RORA: variants seen among roughly 807,000 people sequenced by gnomAD.
The protein encoded by RORA is nuclear receptor ROR-alpha.
RORA carries 7 observed loss-of-function variants against 69.5 expected under a neutral mutation model. The observed-to-expected ratio is 0.10, with a 90% CI of 0.06 to 0.19. The LOEUF (loss-of-function observed/expected upper bound fraction) is 0.19. Ranked by LOEUF, RORA falls within the 10% of genes least tolerant of loss-of-function variation. The pLI, the probability that RORA is intolerant of heterozygous loss-of-function variation, is 1.00. For synonymous variants in RORA, 261 were observed against 240.8 expected (o/e 1.08, Z -0.78); for missense variants, 457 against 663.0 (o/e 0.69, Z 3.41).
chr15:60,982,475 C>G (rs1224849827), intron 1 of RORA, among the ~76,000 whole-genome samples: 1 of 152,174 alleles, frequency 6.6e-6, no homozygotes. Flanking sequence ...AATGTTTAGA[C>G]CGTGCTCCCT....
intron 1 of RORA, among the ~76,000 whole-genome samples, chr15:60,851,522 A>G (rs2073324427): frequency 6.6e-6 from 1 of 151,964 alleles, no homozygotes; most frequent in Admixed American, 6.6e-5. Flanking sequence ...AAATCATACC[A>G]CTCAAAGTAG....
chr15:60,609,824 C>G (rs568014587), intron 2 of RORA, among the ~76,000 whole-genome samples: 2 of 152,282 alleles, frequency 1.3e-5, no homozygotes, highest in Admixed American at 1.3e-4. Flanking sequence ...ATGGCCTCTT[C>G]TTCAGAAGGC....
intron 2 of RORA, among the ~76,000 whole-genome samples, chr15:60,590,170 CCTCTATCTCTCTCT>C (rs1011676675): frequency 4.9e-5 from 5 of 101,504 alleles, no homozygotes; most frequent in African/African-American, 2.7e-4. Flanking sequence ...TCTCCCTCTT[CCTCTATCTCTCTCT>C]CTCTCTCTCT....
chr15:60,523,061 A>AC (rs1567058770), intron 3 of RORA, among the ~76,000 whole-genome samples: 1 of 151,596 alleles, frequency 6.6e-6, no homozygotes, highest in Admixed American at 6.6e-5. Context: ...AAAAAAAAAA[A>AC]CTGATGAAAA....
Position 60,496,175 on chromosome 15 carries a change from C to G in RORA, c.*1280G>C, listed in dbSNP as rs938450483. The G allele has an allele frequency of 1.3e-5, 2 of 152,158 alleles. No individual in the cohort carries two copies. Among genetic ancestry groups the G allele is most frequent in the Non-Finnish European group, 2.9e-5 (2 of 68,026 alleles). The allele number at this position is 152,158 out of a possible 1,614,324, so 9.4% of individuals were successfully genotyped here. ...ACAACAAATCTAGAATTAGTTCACT[C>G]TGAGATAAACTCATAGGGTTCCTAG... On this transcript the variant is annotated 3_prime_UTR_variant, in exon 11 of 11. Transcript: ENST00000335670. The surrounding 1 kb of genome is among the most constrained non-coding windows in gnomAD (Gnocchi z 4.5).
intron 1 of RORA, among the ~76,000 whole-genome samples, chr15:60,736,312 G>C (rs560520741): frequency 1.6e-4 from 24 of 152,270 alleles, no homozygotes; most frequent in African/African-American, 5.5e-4. Flanking sequence ...CAGCATGGCG[G>C]GAAGTCAGAG....
intron 1 of RORA, among the ~76,000 whole-genome samples, chr15:61,137,734 T>G (rs1451557279): frequency 6.6e-6 from 1 of 152,236 alleles, no homozygotes; most frequent in African/African-American, 2.4e-5. Context: ...CAATTTGCAT[T>G]ACATTAAATT....
intron 1 of RORA, among the ~76,000 whole-genome samples, chr15:60,998,790 G>A (rs1894652018): frequency 1.3e-5 from 2 of 152,180 alleles, no homozygotes; most frequent in South Asian, 4.1e-4. Context: ...CTTGGCCAGG[G>A]CCCACCCACC....
chr15:60,588,322 AGAAAACATTTCCAT>A (rs1190228355), intron 2 of RORA, among the ~76,000 whole-genome samples: 1 of 152,234 alleles, frequency 6.6e-6, no homozygotes, highest in African/African-American at 2.4e-5. Flanking sequence ...AAATGAATGC[AGAAAACATTTCCAT>A]GACAGAGTAT....
intron 2 of RORA, among the ~76,000 whole-genome samples, chr15:60,576,246 A>T (rs1311516617): frequency 2.0e-5 from 3 of 152,118 alleles, no homozygotes; most frequent in African/African-American, 7.2e-5. Context: ...TGCTGGGAGC[A>T]ACGTATCCCA....
intron 8 of RORA, 30 bp from the exon 9 acceptor site, chr15:60,501,099 A>G: frequency 7.6e-7 from 1 of 1,315,552 alleles, no homozygotes; most frequent in South Asian, 1.2e-5. Context: ...GACAGTTTAG[A>G]ATTTTGATTA....
chr15:60,891,053 G>C (rs907696120), intron 1 of RORA, among the ~76,000 whole-genome samples: 2 of 152,170 alleles, frequency 1.3e-5, no homozygotes, highest in Non-Finnish European at 2.9e-5. Context: ...GTTCAAAACA[G>C]GGGGGAGATG....
intron 1 of RORA, among the ~76,000 whole-genome samples, chr15:60,804,116 T>C (rs550422414): frequency 6.6e-6 from 1 of 151,854 alleles, no homozygotes; most frequent in South Asian, 2.1e-4. Context: ...TGGAGAAACC[T>C]TGTCTCTACT....
intron 1 of RORA, among the ~76,000 whole-genome samples, chr15:60,932,033 G>GTT (rs200233730): frequency 4.4e-4 from 66 of 148,846 alleles, no homozygotes; most frequent in Middle Eastern, 6.9e-3. Flanking sequence ...TGAATCAAGA[G>GTT]TTTTTTTTTT....
At position 61,137,082 on chromosome 15, in the gene RORA, A is replaced by AGAAAGAAAGAAAGAAG. The variant is rs1567006668; in HGVS notation, c.166+91970_166+91971insCTTCTTTCTTTCTTTC. Among the ~76,000 whole-genome samples, 5 of 149,490 alleles carry AGAAAGAAAGAAAGAAG rather than the reference A, an allele frequency of 3.3e-5. No individual in the cohort carries two copies. The East Asian group carries it at 9.8e-4, about 29-fold the overall frequency. On this transcript the variant is annotated intron_variant, in intron 1 of 10. Transcript: ENST00000335670. ...AAGAAAGAAAGAAAGAAAGAAAGAA[A>AGAAAGAAAGAAAGAAG]GAAAGAAAGAAAGAAAGAAAAAAGC...
intron 2 of RORA, among the ~76,000 whole-genome samples, chr15:60,662,820 T>C (rs28629341): frequency 0.15 from 23,093 of 152,138 alleles, 1,824 homozygotes; most frequent in East Asian, 0.24. Context: ...CCCCCTGTAG[T>C]GGATGCTGTG....
intron 1 of RORA, among the ~76,000 whole-genome samples, chr15:60,805,205 A>G (rs1254507069): frequency 6.6e-6 from 1 of 152,172 alleles, no homozygotes; most frequent in Non-Finnish European, 1.5e-5. Flanking sequence ...TCTGACACGC[A>G]AGGGAACACC....
chr15:61,047,693 A>AT (rs1303710199), intron 1 of RORA, among the ~76,000 whole-genome samples: 2 of 152,166 alleles, frequency 1.3e-5, no homozygotes, highest in African/African-American at 4.8e-5. Flanking sequence ...ACTGTTTAAC[A>AT]TTTTTCCCCT....
chr15:61,004,089 C>T (rs1894833055), intron 1 of RORA, among the ~76,000 whole-genome samples: 1 of 152,080 alleles, frequency 6.6e-6, no homozygotes, highest in Admixed American at 6.6e-5. Context: ...CGGTTCAGAT[C>T]CCAGAGTGAA....
Sources: allele counts gnomAD v4.1 joint callset (sites outside exome capture counted in the v4.1 genomes callset), GRCh38; gene constraint gnomAD v4.1.1; non-coding constraint Gnocchi (gnomAD v3.1); transcripts MANE v1.5; gene names NCBI Gene and HGNC (gene_info 2026-07-23, HGNC 2026-07-21).